Variants in XKR4 observed in about 807,000 individuals in gnomAD.
XKR4 encodes the protein XK related 4.
A neutral mutation model predicts 53.9 loss-of-function variants in XKR4; 12 were observed. The ratio of observed to expected loss-of-function variants is 0.22; its 90% CI spans 0.14 to 0.36. The LOEUF is 0.36. XKR4 is among the 10% of genes least tolerant of loss of function. The pLI is 1.00. For synonymous variants in XKR4, 354 were observed against 362.4 expected (o/e 0.98, Z 0.26); for missense variants, 799 against 859.5 (o/e 0.93, Z 0.88).
intron 2 of XKR4, among the ~76,000 whole-genome samples, chr8:55,415,785 G>A (rs2658898): frequency 0.58 from 87,930 of 151,966 alleles, 28,171 homozygotes; most frequent in African/African-American, 0.87. Flanking sequence ...ATTGTCTTGC[G>A]AGTTAAAAAC....
chr8:55,332,305 C>A (rs955311320), intron 1 of XKR4, among the ~76,000 whole-genome samples: 1 of 152,022 alleles, frequency 6.6e-6, no homozygotes, highest in Non-Finnish European at 1.5e-5. Context: ...ATGGATCTAC[C>A]TTTTAAATCC....
At chr8:55,469,907 T>C (rs1805846685) in intron 2 of XKR4, among the ~76,000 whole-genome samples, 1 of 152,162 alleles carries the variant, frequency 6.6e-6, no homozygotes, top group African/African-American at 2.4e-5. Flanking sequence ...CAATGTATCA[T>C]GTACTGGGTC....
chr8:55,221,460 C>T (rs35234241), intron 1 of XKR4, among the ~76,000 whole-genome samples: 2,577 of 152,200 alleles, frequency 0.017, 31 homozygotes, highest in African/African-American at 0.028. Flanking sequence ...CAGGGTGTGG[C>T]GGTTTCCTGG....
rs911097813 is a variant in XKR4, at chr8:55,189,893, G to A, written c.806+86599G>A. Reference sequence around the variant, plus strand: ...GTTCACATAGCCTAAAAACTCACACGACAGGCACTTCTGTCACATTTCAAC... The same window carrying A: ...GTTCACATAGCCTAAAAACTCACACAACAGGCACTTCTGTCACATTTCAAC... On this transcript the variant is annotated intron_variant, in intron 1 of 2. Transcript: ENST00000327381. 2.6e-5 allele frequency among the ~76,000 whole-genome samples: 4 copies of A among 152,288 alleles called. No individual in the cohort carries two copies. In the East Asian group the frequency reaches 5.8e-4, roughly 22 times the overall value.
At chr8:55,188,904 A>G (rs987311805) in intron 1 of XKR4, among the ~76,000 whole-genome samples, 5 of 152,242 alleles carry the variant, frequency 3.3e-5, no homozygotes, top group Non-Finnish European at 7.3e-5. Flanking sequence ...ATCCATAACA[A>G]GTGTTCAGTT....
intron 1 of XKR4, among the ~76,000 whole-genome samples, chr8:55,173,019 T>C (rs558380213): frequency 9.8e-5 from 15 of 152,358 alleles, no homozygotes; most frequent in Admixed American, 6.5e-4. Context: ...ACACAAATTT[T>C]GTAGCTGGAG....
rs562791671 is a variant in XKR4 at position 55,482,493 on chromosome 8, A to T, written c.1007-40788A>T. Among the ~76,000 whole-genome samples the T allele has an allele frequency of 6.5e-4, 99 of 152,254 alleles. 1 individual carries two copies. Among genetic ancestry groups the T allele is most frequent in the African/African-American group, 2.4e-3 (98 of 41,548 alleles). Reference sequence around the variant, plus strand: ...GCACACCAACATGGCACATGTATACATATGTAACAAACCTGCACATTGTGC... The same window carrying T: ...GCACACCAACATGGCACATGTATACTTATGTAACAAACCTGCACATTGTGC... On this transcript the variant is annotated intron_variant, in intron 2 of 2. Coordinates refer to ENST00000327381, the MANE Select transcript of XKR4 (RefSeq NM_052898.2).
intron 2 of XKR4, among the ~76,000 whole-genome samples, chr8:55,503,165 C>A (rs2129403705): frequency 6.6e-6 from 1 of 151,932 alleles, no homozygotes; most frequent in Admixed American, 6.5e-5. Context: ...ATTATTTTTG[C>A]TTTTCTGGGA....
At position 55,217,731 on chromosome 8, in the gene XKR4, A is replaced by G. The variant is rs868464719; in HGVS notation, c.806+114437A>G. 4.0e-5 allele frequency among the ~76,000 whole-genome samples: 6 copies of G among 148,628 alleles called. No homozygotes were observed. In the South Asian group the frequency reaches 1.3e-3, roughly 32 times the overall value. ...TTTACAGAGTTCAAAATACATAGGA[A>G]GACAGATTAGATAGATAGATAGATA... is the stretch of plus-strand genomic sequence containing the variant. On this transcript the variant is annotated intron_variant, in intron 1 of 2. Transcript: ENST00000327381.
At chr8:55,428,934 T>C (rs1805057574) in intron 2 of XKR4, among the ~76,000 whole-genome samples, 2 of 152,158 alleles carry the variant, frequency 1.3e-5, no homozygotes, top group South Asian at 4.1e-4. Context: ...ATTCTAACAT[T>C]TACATGGAAA....
rs547807520 is a variant in XKR4, at chr8:55,526,800, A to T, written c.*2573A>T. On this transcript the variant is annotated 3_prime_UTR_variant, in exon 3 of 3. Transcript: ENST00000327381. ...TTGATCCCTCATTCAACATGTTAAGAGTCAGAATGAATACTATGTCAATGA... is the reference window on the plus strand; with the variant it reads ...TTGATCCCTCATTCAACATGTTAAGTGTCAGAATGAATACTATGTCAATGA... 30 of 152,320 alleles carry T rather than the reference A, an allele frequency of 2.0e-4. No homozygotes were observed. Among genetic ancestry groups the T allele is most frequent in the Admixed American group, 3.3e-4 (5 of 15,304 alleles). 9.4% of individuals were successfully genotyped at this position (152,320 alleles called of 1,614,324 possible).
At chr8:55,437,525 T>TA (rs1230485976) in intron 2 of XKR4, among the ~76,000 whole-genome samples, 4 of 152,212 alleles carry the variant, frequency 2.6e-5, no homozygotes. Flanking sequence ...TGGTCAGTGT[T>TA]AGAGTCCTGT....
chr8:55,312,463 C>G (rs906633214), intron 1 of XKR4, among the ~76,000 whole-genome samples: 1 of 152,036 alleles, frequency 6.6e-6, no homozygotes. Flanking sequence ...GATACAAACC[C>G]CACACTATGG....
In XKR4 at chr8:55,438,700, G is replaced by A. The variant is rs2129394557; in HGVS notation, c.1006+80823G>A. On this transcript the variant is annotated intron_variant, in intron 2 of 2. Transcript: ENST00000327381. ...GGTGATCTTCTATGCCTGACAATAT[G>A]GCTTATTATATAAAGAAAGAAAACC... 1.3e-5 allele frequency among the ~76,000 whole-genome samples: 2 copies of A among 151,894 alleles called. 1 individual carries two copies. Among genetic ancestry groups the A allele is most frequent in the South Asian group, 4.2e-4 (2 of 4,804 alleles).
chr8:55,441,373 A>G (rs1322781986), intron 2 of XKR4, among the ~76,000 whole-genome samples: 1 of 152,238 alleles, frequency 6.6e-6, no homozygotes, highest in Non-Finnish European at 1.5e-5. Context: ...CCAACAAAAT[A>G]TAAAAGGCAA....
chr8:55,270,018 T>G (rs181253874), intron 1 of XKR4, among the ~76,000 whole-genome samples: 3 of 152,198 alleles, frequency 2.0e-5, no homozygotes, highest in Admixed American at 1.3e-4. Context: ...TCAAAATCCT[T>G]ACATGTCATT....
chr8:55,345,036 A>C (rs1190209229), intron 1 of XKR4, among the ~76,000 whole-genome samples: 1 of 152,128 alleles, frequency 6.6e-6, no homozygotes, highest in Non-Finnish European at 1.5e-5. Flanking sequence ...GATCACAGCA[A>C]TTTGGGAGGC....
chr8:55,378,344 C>A (rs1804180439), intron 2 of XKR4, among the ~76,000 whole-genome samples: 1 of 152,166 alleles, frequency 6.6e-6, no homozygotes. Context: ...CGTGCAAATG[C>A]AAGATTCGTC....
chr8:55,416,957 A>G (rs1804861816), intron 2 of XKR4, among the ~76,000 whole-genome samples: 1 of 152,236 alleles, frequency 6.6e-6, no homozygotes, highest in Non-Finnish European at 1.5e-5. Flanking sequence ...AGAAAATAAA[A>G]TAATATTCAA....
Sources: allele counts gnomAD v4.1 joint callset (sites outside exome capture counted in the v4.1 genomes callset), GRCh38; gene constraint gnomAD v4.1.1; transcripts MANE v1.5; gene names NCBI Gene and HGNC (gene_info 2026-07-23, HGNC 2026-07-21).